The following NAPSA variants were observed in gnomAD, a reference collection of about 807,000 sequenced individuals.
The protein encoded by NAPSA is napsin A aspartic peptidase, also known as napsin-A.
NAPSA carries 37 observed loss-of-function variants against 36.7 expected under a neutral mutation model. The observed-to-expected ratio is 1.01, with a 90% CI of 0.78 to 1.33. The LOEUF is 1.33. NAPSA is among the 40% of genes most tolerant of loss of function. NAPSA has a pLI of 0.00. For synonymous variants in NAPSA, 222 were observed against 234.5 expected, an observed-to-expected ratio of 0.95 and a Z score of 0.49; for missense variants, 532 against 543.8, an observed-to-expected ratio of 0.98 and a Z score of 0.21.
At chr19:50,365,390 C>T (rs2037534329) in intron 1 of NAPSA, 149 bp downstream of exon 1, 3 of 703,218 alleles carry the variant, frequency 4.3e-6, no homozygotes, top group Admixed American at 2.3e-5. Flanking sequence ...GGGGTGACAG[C>T]CTGGTTTAGA....
At position 50,358,581 on chromosome 19, in the gene NAPSA, TCTCC is replaced by T. The variant is rs752314811; in HGVS notation, c.1231_1234del (p.Gly411ArgfsTer35). ...CCCGGGGAACTGCGCCTGCGCAGTC[TCTCC>T]CCATCCGAGGTCCGCTCCGCGAGTG... is the stretch of plus-strand genomic sequence containing the variant. On this transcript the variant is annotated frameshift_variant, in exon 9 of 9. Transcript: ENST00000253719. LOFTEE classifies it high-confidence loss of function. The T allele has an allele frequency of 1.1e-5, 17 of 1,608,776 alleles. No homozygotes were observed. In the South Asian group the frequency reaches 1.9e-4, roughly 18 times the overall value.
Position 50,358,519 on chromosome 19 carries a change from C to T in NAPSA, c.*34G>A. 1 of 1,520,160 alleles carries T rather than the reference C, an allele frequency of 6.6e-7. No individual in the cohort carries two copies. The allele number at this position is 1,520,160 out of a possible 1,614,324, so 94.2% of individuals were successfully genotyped here. On this transcript the variant is annotated 3_prime_UTR_variant, in exon 9 of 9. Transcript: ENST00000253719. ...TTTTTACTGGGTAGCAGGACCTCCG[C>T]GACCACCCGCTGCGCATGCGCTTCA...
chr19:50,360,910 G>C (rs765948860), intron 5 of NAPSA, 31 bp downstream of exon 5: 1 of 1,595,824 alleles, frequency 6.3e-7, no homozygotes, highest in Non-Finnish European at 8.6e-7. Context: ...TTGGGGATAG[G>C]ACTCATAGAT....
At position 50,358,598 on chromosome 19, in the gene NAPSA, C is replaced by A. The variant is rs1269910680; in HGVS notation, c.1218G>T (p.Ala406=). Residue 406 remains alanine (A), a synonymous_variant, in exon 9 of 9, where the codon GCG becomes GCT. Coordinates refer to ENST00000253719, the MANE Select transcript of NAPSA (RefSeq NM_004851.3). ...GCGCAGTCTCTCCCCATCCGAGGTC[C>A]GCTCCGCGAGTGCGAGCGCGCGCCA... is the stretch of plus-strand genomic sequence containing the variant. The part of the protein sequence containing the change: ...VGLARARTRG[A]DLGWGETAQA... The A allele has an allele frequency of 1.2e-6, 2 of 1,611,538 alleles. No individual in the cohort carries two copies. The highest frequency in any genetic ancestry group is 1.7e-6 in the Non-Finnish European group (2 of 1,179,372).
rs558901749 is a variant in NAPSA at position 50,365,622 on chromosome 19, C to T, written c.-1G>A. 5.6e-6 allele frequency: 9 copies of T among 1,606,482 alleles called. No individual in the cohort carries two copies. The highest frequency in any genetic ancestry group is 2.2e-5 in the East Asian group (1 of 44,718). ...GTTGCAGCAGCGGTGGTGGAGACAT[C>T]GCTGGGGACCTGGGTGTGAACCCAG... On this transcript the variant is annotated 5_prime_UTR_variant, in exon 1 of 9. Transcript: ENST00000253719.
chr19:50,359,961 T>C, intron 5 of NAPSA, 99 bp from the exon 6 acceptor site: 1 of 1,495,992 alleles, frequency 6.7e-7, no homozygotes, highest in South Asian at 1.3e-5. Context: ...AACTGGGTTG[T>C]TTCTGGAGTT....
rs990364436 is a variant in NAPSA at position 50,361,980 on chromosome 19, C to T, written c.338G>A (p.Ser113Asn). 1 of 1,597,080 alleles carries T rather than the reference C, an allele frequency of 6.3e-7. No individual in the cohort carries two copies. The highest frequency in any genetic ancestry group is 1.3e-5 in the African/African-American group (1 of 74,592). Reference protein sequence around the residue: ...WVPSRRCHFFSVPCWLHHRFD... With the variant: ...WVPSRRCHFFNVPCWLHHRFD... ...ACATAGAAGCTCACAGCAGGGCACA[C>T]TGAAGAAGTGGCATCTCCTGGACGG... Residue 113 changes from serine (S) to asparagine (N), a missense_variant, in exon 3 of 9, where the codon AGT becomes AAT. Coordinates refer to ENST00000253719, the MANE Select transcript of NAPSA (RefSeq NM_004851.3).
At chr19:50,361,188 C>T (rs771428751) in intron 4 of NAPSA, 48 bp from the exon 5 acceptor site, 3 of 1,516,758 alleles carry the variant, frequency 2.0e-6, no homozygotes, top group African/African-American at 2.7e-5. Flanking sequence ...AGGACAATAA[C>T]CACATGTCCT....
chr19:50,358,726 G>T lies in NAPSA; in HGVS notation c.1090C>A (p.Pro364Thr). The T allele has an allele frequency of 6.2e-7, 1 of 1,613,466 alleles. No individual in the cohort carries two copies. Residue 364 changes from proline to threonine, a missense_variant, in exon 9 of 9, where the codon CCT becomes ACT. Around this residue, in one of 3 missense-constraint regions of NAPSA, gnomAD observed 385 missense variants for 371.5 expected, o/e 1.04. Coordinates refer to ENST00000253719, the MANE Select transcript of NAPSA (RefSeq NM_004851.3). ...CLSGFQALDV[P>T]PPAGPFWILG... ...ATCCAGAAGGGCCCTGCAGGCGGAG[G>T]GACATCCAGGGCCTGGAAACCGGAC...
intron 5 of NAPSA, 53 bp downstream of exon 5, chr19:50,360,888 C>T: frequency 5.9e-6 from 9 of 1,513,294 alleles, no homozygotes; most frequent in Non-Finnish European, 6.3e-6. Context: ...TGAAGGAAGA[C>T]TCTCTTCCTT....
chr19:50,362,185 G>A lies in NAPSA; in HGVS notation c.212C>T (p.Ser71Leu), dbSNP rs1283751638. Reference sequence around the variant, plus strand: ...GCTGTGACTCACATCCCTGTAGTTCGAGAGAGGTACGAAGATGGGCTTGTC... The same window carrying A: ...GCTGTGACTCACATCCCTGTAGTTCAAGAGAGGTACGAAGATGGGCTTGTC... ...PGDKPIFVPL[S>L]NYRDVQYFGE... The change falls in exon 2 of 9, where the codon TCG becomes TTG. Residue 71 changes from serine to leucine, a missense_variant. Transcript: ENST00000253719. The A allele has an allele frequency of 4.3e-6, 7 of 1,613,598 alleles. No homozygotes were observed. Among genetic ancestry groups the A allele is most frequent in the East Asian group, 2.2e-5 (1 of 44,880 alleles).
chr19:50,365,849 T>C (rs2037543264), upstream of NAPSA: 2 of 410,588 alleles, frequency 4.9e-6, no homozygotes, highest in African/African-American at 2.0e-5. Flanking sequence ...CACTCCCTAC[T>C]TGGGTGGCAG....
chr19:50,359,624 G>A lies in NAPSA; in HGVS notation c.815C>T (p.Thr272Ile). The A allele has an allele frequency of 6.2e-7, 1 of 1,614,234 alleles. No homozygotes were observed. Among genetic ancestry groups the A allele is most frequent in the Non-Finnish European group, 8.5e-7 (1 of 1,180,048 alleles). ...MERVKVGPGLTLCAKGCAAIL... is the reference protein window; with the variant it reads ...MERVKVGPGLILCAKGCAAIL... ...GGCAGCACAGCCCTTGGCACAGAGA[G>A]TCAGCCCTGGGCCCACCTTCACACT... Residue 272 changes from threonine to isoleucine, a missense_variant, in exon 7 of 9, where the codon ACT (threonine) becomes ATT (isoleucine). Thr to Ile is a moderately conservative substitution (Grantham distance 89, BLOSUM62 -1). Coordinates refer to ENST00000253719, the MANE Select transcript of NAPSA (RefSeq NM_004851.3).
chr19:50,365,277 T>G (rs539097912), intron 1 of NAPSA, among the ~76,000 whole-genome samples: 1 of 152,008 alleles, frequency 6.6e-6, no homozygotes, highest in Admixed American at 6.6e-5. Flanking sequence ...GAGGTTTCAG[T>G]GAGCTGAGAT....
chr19:50,359,270 A>C (rs916847719), intron 7 of NAPSA, 161 bp from the exon 8 acceptor site: 38 of 829,784 alleles, frequency 4.6e-5, no homozygotes, highest in Admixed American at 2.1e-4. Context: ...GTCCCAAGCA[A>C]ACCTGCATGA....
rs536389281 is a variant in NAPSA, at chr19:50,359,588, G to A, written c.851C>T (p.Thr284Met). 1.2e-5 allele frequency: 19 copies of A among 1,614,214 alleles called. No individual in the cohort carries two copies. In the African/African-American group the frequency reaches 1.6e-4, roughly 14 times the overall value. ...CAKGCAAILDTGTSLITGPTE... is the reference protein window; with the variant it reads ...CAKGCAAILDMGTSLITGPTE... ...GGGTCCTGTGATGAGGGACGTGCCC[G>A]TATCCAGGATGGCAGCACAGCCCTT... Residue 284 changes from threonine to methionine, a missense_variant, in exon 7 of 9, where the codon ACG (threonine) becomes ATG (methionine). Transcript: ENST00000253719.
chr19:50,359,727 C>G lies in NAPSA; in HGVS notation c.791+13G>C, dbSNP rs748131931. The G allele has an allele frequency of 4.3e-6, 7 of 1,614,242 alleles. No individual in the cohort carries two copies. The South Asian group carries it at 7.7e-5, about 18-fold the overall frequency. On this transcript the variant is annotated intron_variant, in intron 6 of 8. Coordinates refer to ENST00000253719, the MANE Select transcript of NAPSA (RefSeq NM_004851.3). ...AGCCTCCAGCTCCAGAGCCAGGAGA[C>G]CAAGTCCCTCACCGCTCCATGTGGA...
intron 3 of NAPSA, 74 bp downstream of exon 3, chr19:50,361,895 C>G (rs1313315297): frequency 6.9e-6 from 11 of 1,598,640 alleles, no homozygotes; most frequent in Non-Finnish European, 9.4e-6. Context: ...TCAAAAGCCT[C>G]TGAGAAGCTG....
intron 1 of NAPSA, among the ~76,000 whole-genome samples, chr19:50,364,487 T>C (rs1601128450): frequency 6.8e-6 from 1 of 146,510 alleles, no homozygotes; most frequent in African/African-American, 2.5e-5. Flanking sequence ...TGGTGGCGGG[T>C]GCCTGTAGTC....
Sources: gnomAD v4.1 joint callset for allele counts (sites outside exome capture counted in the v4.1 genomes callset) on GRCh38, gnomAD v4.1.1 for gene constraint, gnomAD v4.1.1 regional missense constraint, MANE v1.5 for transcripts, NCBI Gene and HGNC (gene_info 2026-07-23, HGNC 2026-07-21) for gene names.